EGF: variants seen among roughly 807,000 people sequenced by gnomAD.
EGF encodes pro-epidermal growth factor.
In EGF, 95 loss-of-function variants were observed where a neutral mutation model predicts 143.8. That is an observed-to-expected ratio of 0.66 (90% CI 0.56 to 0.78). EGF has a LOEUF of 0.78. Ranked by LOEUF, EGF falls within the 30% of genes least tolerant of loss-of-function variation. EGF has a pLI of 0.00. For synonymous variants in EGF, 510 were observed against 510.5 expected (o/e 1.00, Z 0.01); for missense variants, 1,320 against 1,470.9 (o/e 0.90, Z 1.68).
chr4:109,961,716 A>G, intron 7 of EGF, 147 bp from the exon 8 acceptor site: 1 of 908,444 alleles, frequency 1.1e-6, no homozygotes, highest in Non-Finnish European at 1.7e-6. Context: ...TAAAAAATTA[A>G]GGCTAGGCAC....
At chr4:109,978,450 C>T (rs1020159340) in intron 13 of EGF, among the ~76,000 whole-genome samples, 16 of 152,112 alleles carry the variant, frequency 1.1e-4, no homozygotes, top group Admixed American at 5.9e-4. Context: ...TGGATTAATT[C>T]CTGAGGACAT....
Position 109,994,880 on chromosome 4 carries a change from A to T in EGF, c.3005A>T (p.Asn1002Ile), listed in dbSNP as rs144966505. 1.2e-6 allele frequency: 2 copies of T among 1,614,014 alleles called. No individual in the cohort carries two copies. Among genetic ancestry groups the T allele is most frequent in the Admixed American group, 3.3e-5 (2 of 60,012 alleles). ...GAAGCATTGGACAAGTATGCATGCA[A>T]GTAAGTTAAACTGTCTTGCTGATGG... is the stretch of plus-strand genomic sequence containing the variant. ...YIEALDKYAC[N>I]CVVGYIGERC... is the part of the protein sequence containing the mutation. Residue 1002 changes from asparagine to isoleucine, a missense_variant and splice_region_variant, in exon 20 of 24, where the codon AAC becomes ATC. Around this residue, in one of 5 missense-constraint regions of EGF, gnomAD observed 1,186 missense variants for 1,313.7 expected, o/e 0.90. Coordinates refer to ENST00000265171, the MANE Select transcript of EGF (RefSeq NM_001963.6).
chr4:109,974,769 C>G lies in EGF; in HGVS notation c.1791C>G (p.Ile597Met), dbSNP rs771786517. ...CCAAAATAATCACTAAGGAGAACAT[C>G]TCTCAACCACGAGGAATTGCTGTTC... The part of the protein sequence containing the change: ...KRSKIITKEN[I>M]SQPRGIAVHP... The change falls in exon 12 of 24, where the codon ATC becomes ATG. Residue 597 changes from isoleucine (I) to methionine (M), a missense_variant. Coordinates refer to ENST00000265171, the MANE Select transcript of EGF (RefSeq NM_001963.6). 9.9e-6 allele frequency: 16 copies of G among 1,613,472 alleles called. No homozygotes were observed. In the African/African-American group the frequency reaches 1.9e-4, roughly 19 times the overall value.
At chr4:109,964,748 T>TTAG (rs1746278250) in intron 10 of EGF, among the ~76,000 whole-genome samples, 1 of 152,172 alleles carries the variant, frequency 6.6e-6, no homozygotes, top group African/African-American at 2.4e-5. Flanking sequence ...CTTGCTACGA[T>TTAG]TAGCCGTTTT....
Position 110,013,025 on chromosome 4 carries a change from T to TGATGGGAG in EGF, c.*1572_*1573insTGGGAGGA, listed in dbSNP as rs1393327066. Among the ~76,000 whole-genome samples, 1 of 152,148 alleles carries TGATGGGAG rather than the reference T, an allele frequency of 6.6e-6. No homozygotes were observed. The highest frequency in any genetic ancestry group is 1.5e-5 in the Non-Finnish European group (1 of 68,010). On this transcript the variant is annotated 3_prime_UTR_variant, in exon 24 of 24. Transcript: ENST00000265171. ...AAGATTTGGTGATGGGAGGATGACT[T>TGATGGGAG]GAGGTTTGTGGATATTAGTTAATTA...
rs889454582 is a variant in EGF at position 110,012,572 on chromosome 4, G to A, written c.*1117G>A. 1.3e-5 allele frequency among the ~76,000 whole-genome samples: 2 copies of A among 151,978 alleles called. No homozygotes were observed. Among genetic ancestry groups the A allele is most frequent in the African/African-American group, 4.8e-5 (2 of 41,380 alleles). On this transcript the variant is annotated 3_prime_UTR_variant, in exon 24 of 24. Transcript: ENST00000265171. ...TATTTTTATTTTTTGTAGACATGGG[G>A]ATCACACAATGTTGCCCAGGCTGGT...
intron 1 of EGF, among the ~76,000 whole-genome samples, chr4:109,918,271 T>A (rs75162432): frequency 4.0e-4 from 61 of 151,550 alleles, no homozygotes; most frequent in African/African-American, 1.0e-3. Context: ...TTTTTTTTTT[T>A]AAATTTCAAG....
chr4:109,979,966 T>C lies in EGF; in HGVS notation c.2054-6T>C, dbSNP rs1749087313. ...GGTGTATTTAACAAACTTGAATTGT[T>C]TCCAGGTCACCCATTTGCTGTAGCA... On this transcript the variant is annotated splice_region_variant and splice_polypyrimidine_tract_variant and intron_variant, in intron 13 of 23. Transcript: ENST00000265171. The C allele has an allele frequency of 4.3e-6, 7 of 1,613,956 alleles. No homozygotes were observed. Among genetic ancestry groups the C allele is most frequent in the Middle Eastern group, 1.7e-4 (1 of 6,054 alleles).
At chr4:109,924,080 T>A (rs1738244175) in intron 1 of EGF, among the ~76,000 whole-genome samples, 1 of 151,762 alleles carries the variant, frequency 6.6e-6, no homozygotes. Flanking sequence ...ATTGAATTTT[T>A]TAGTGCATAT....
At chr4:109,981,711 A>T (rs942675784) in intron 15 of EGF, among the ~76,000 whole-genome samples, 3 of 152,196 alleles carry the variant, frequency 2.0e-5, no homozygotes, top group Non-Finnish European at 4.4e-5. Flanking sequence ...AATAAACAAA[A>T]GTTATGCAAT....
Position 109,915,009 on chromosome 4 carries a change from A to G in EGF, c.127+1547A>G, listed in dbSNP as rs547997259. 2.0e-5 allele frequency among the ~76,000 whole-genome samples: 3 copies of G among 152,318 alleles called. No homozygotes were observed. In the South Asian group the frequency reaches 6.2e-4, roughly 32 times the overall value. The stretch of plus-strand genomic sequence containing the variant: ...TGAAGCAGAACCCAAGAAATTACAA[A>G]AATGAGCTTTTATGGATGGCTCTAG... On this transcript the variant is annotated intron_variant, in intron 1 of 23. Coordinates refer to ENST00000265171, the MANE Select transcript of EGF (RefSeq NM_001963.6).
chr4:109,987,097 T>C (rs930349303), intron 16 of EGF, among the ~76,000 whole-genome samples: 1 of 152,166 alleles, frequency 6.6e-6, no homozygotes, highest in Admixed American at 6.5e-5. Flanking sequence ...GTCAAAATGG[T>C]TGGGAAGTTT....
intron 5 of EGF, among the ~76,000 whole-genome samples, chr4:109,948,322 A>C (rs1188602405): frequency 1.3e-5 from 2 of 152,200 alleles, no homozygotes; most frequent in African/African-American, 4.8e-5. Context: ...ATTATTGATT[A>C]GGTTTAAATT....
Position 109,994,798 on chromosome 4 carries a change from G to A in EGF, c.2923G>A (p.Glu975Lys), listed in dbSNP as rs1468921558. ...HHYSVRNSDS[E>K]CPLSHDGYCL... is the part of the protein sequence containing the mutation. ...CTATTCCGTAAGAAATAGTGACTCT[G>A]AATGTCCCCTGTCCCACGATGGGTA... Residue 975 changes from glutamate to lysine, a missense_variant, in exon 20 of 24, where the codon GAA becomes AAA. Glu to Lys is a moderately conservative substitution (Grantham distance 56). This residue lies in a region of EGF where 1,186 missense variants were observed against 1,313.7 expected (regional missense o/e 0.90). Transcript: ENST00000265171. The A allele has an allele frequency of 1.2e-6, 2 of 1,614,146 alleles. No homozygotes were observed. Among genetic ancestry groups the A allele is most frequent in the Non-Finnish European group, 8.5e-7 (1 of 1,180,000 alleles).
intron 16 of EGF, among the ~76,000 whole-genome samples, chr4:109,985,381 T>C (rs1037276426): frequency 4.6e-5 from 7 of 152,254 alleles, no homozygotes; most frequent in Non-Finnish European, 8.8e-5. Flanking sequence ...AAACTCCACA[T>C]TAGGATTTTA....
intron 5 of EGF, among the ~76,000 whole-genome samples, chr4:109,951,769 T>G (rs1560679700): frequency 6.6e-6 from 1 of 152,242 alleles, no homozygotes; most frequent in African/African-American, 2.4e-5. Flanking sequence ...GACAGACTGG[T>G]AACATGCTGC....
rs200959666 is a variant in EGF, at chr4:109,993,034, CATGTATACAT to C, written c.2735-207_2735-198del. 1.4e-3 allele frequency among the ~76,000 whole-genome samples: 212 copies of C among 151,912 alleles called. 5 individuals carry two copies. The East Asian group carries it at 0.039, about 28-fold the overall frequency. On this transcript the variant is annotated intron_variant, in intron 18 of 23. Coordinates refer to ENST00000265171, the MANE Select transcript of EGF (RefSeq NM_001963.6). Reference sequence around the variant, plus strand: ...ATGGGTGCAGCACACCAACATGGCACATGTATACATATGTAACAAACCTGCACCTTGTGCA... The same window carrying C: ...ATGGGTGCAGCACACCAACATGGCACATGTAACAAACCTGCACCTTGTGCA...
chr4:109,978,210 C>A (rs1227230538), intron 13 of EGF, among the ~76,000 whole-genome samples: 1 of 152,110 alleles, frequency 6.6e-6, no homozygotes, highest in East Asian at 1.9e-4. Context: ...TGTTAATTGG[C>A]TAGATTCAGC....
rs115876900 is a variant in EGF, at chr4:109,939,165, G to C, written c.128-1781G>C. 2.6e-5 allele frequency among the ~76,000 whole-genome samples: 4 copies of C among 152,218 alleles called. No homozygotes were observed. In the East Asian group the frequency reaches 7.7e-4, roughly 29 times the overall value. On this transcript the variant is annotated intron_variant, in intron 1 of 23. Coordinates refer to ENST00000265171, the MANE Select transcript of EGF (RefSeq NM_001963.6). ...GGGGCAGTAGGCCTTGTTGAGCTGC[G>C]TTGGGCTCTGCCCAGTTCGAGCTTC...
Sources: allele counts gnomAD v4.1 joint callset (sites outside exome capture counted in the v4.1 genomes callset), GRCh38; gene constraint gnomAD v4.1.1; regional missense constraint gnomAD v4.1.1; transcripts MANE v1.5; gene names NCBI Gene and HGNC (gene_info 2026-07-23, HGNC 2026-07-21).